Variants in ADAM11 observed in about 807,000 individuals in gnomAD.
ADAM11 encodes disintegrin and metalloproteinase domain-containing protein 11.
In ADAM11, 49 loss-of-function variants were observed where a neutral mutation model predicts 119.1. The ratio of observed to expected loss-of-function variants is 0.41; its 90% CI spans 0.33 to 0.52. ADAM11 has a LOEUF of 0.52. Ranked by LOEUF, ADAM11 falls within the 20% of genes least tolerant of loss-of-function variation. The pLI, the probability that ADAM11 is intolerant of heterozygous loss-of-function variation, is 0.20. For synonymous variants in ADAM11, 364 were observed against 408.0 expected (o/e 0.89, Z 1.30); for missense variants, 777 against 1,047.5 (o/e 0.74, Z 3.56).
At position 44,773,726 on chromosome 17, in the gene ADAM11, G is replaced by GA. The variant is rs1383489045; in HGVS notation, c.992+306dup. 1.1e-4 allele frequency among the ~76,000 whole-genome samples: 17 copies of GA among 152,056 alleles called. No homozygotes were observed. Among genetic ancestry groups the GA allele is most frequent in the Admixed American group, 5.9e-4 (9 of 15,272 alleles). ...CTCAGGGACCCAGTGCCCTAGTAGGGAAAAAAATCTAATAAAAGGGCCTTG... is the reference window on the plus strand; with the variant it reads ...CTCAGGGACCCAGTGCCCTAGTAGGGAAAAAAAATCTAATAAAAGGGCCTTG... On this transcript the variant is annotated intron_variant, in intron 11 of 26. Transcript: ENST00000200557. The surrounding 1 kb of genome is among the most constrained non-coding windows in gnomAD (Gnocchi z 4.6).
chr17:44,768,762 G>A (rs975411933), intron 2 of ADAM11, among the ~76,000 whole-genome samples: 20 of 152,154 alleles, frequency 1.3e-4, no homozygotes, highest in African/African-American at 4.6e-4. Flanking sequence ...GCAACCTGCC[G>A]TCCCCACCAC....
chr17:44,777,076 G>A lies in ADAM11; in HGVS notation c.1682-90G>A. On this transcript the variant is annotated intron_variant, in intron 20 of 26. Transcript: ENST00000200557. The surrounding 1 kb of genome is among the most constrained non-coding windows in gnomAD (Gnocchi z 5.1). ...AAGTGTGTAGCTCCCCAGGATCTCA[G>A]GGACCCAGGCAGAGTGTGGGAGATG... The A allele has an allele frequency of 6.5e-7, 1 of 1,542,270 alleles. No individual in the cohort carries two copies. The highest frequency in any genetic ancestry group is 1.4e-5 in the African/African-American group (1 of 73,366).
At position 44,775,774 on chromosome 17, in the gene ADAM11, CG is replaced by C. The variant is rs1387086828; in HGVS notation, c.1485+102del. ...GAGCTAGGGAGGGAAGCGGAGCCTTCGGGGACGAAGGCCTCTGGGGCAGGGC... is the reference window on the plus strand; with the variant it reads ...GAGCTAGGGAGGGAAGCGGAGCCTTCGGGACGAAGGCCTCTGGGGCAGGGC... On this transcript the variant is annotated intron_variant, in intron 17 of 26. Coordinates refer to ENST00000200557, the MANE Select transcript of ADAM11 (RefSeq NM_002390.6). This position sits in a 1 kb window ranked among gnomAD's most constrained non-coding sequence, Gnocchi z 7.5. The C allele has an allele frequency of 1.5e-6, 2 of 1,303,444 alleles. No homozygotes were observed. Among genetic ancestry groups the C allele is most frequent in the Non-Finnish European group, 2.1e-6 (2 of 958,558 alleles). The allele number at this position is 1,303,444 out of a possible 1,614,324, so 80.7% of individuals were successfully genotyped here.
intron 2 of ADAM11, 24 bp from the exon 3 acceptor site, chr17:44,769,694 C>T (rs978313442): frequency 1.9e-6 from 3 of 1,579,238 alleles, no homozygotes; most frequent in East Asian, 2.2e-5. Flanking sequence ...GGGTTGACTC[C>T]CCCTCTGCCC....
At chr17:44,769,864 G>C (rs773618805) in intron 3 of ADAM11, 70 bp downstream of exon 3, 1 of 1,601,670 alleles carries the variant, frequency 6.2e-7, no homozygotes, top group Non-Finnish European at 8.6e-7. Context: ...GGGCCTGGCT[G>C]CTGGGGGTCT....
intron 2 of ADAM11, among the ~76,000 whole-genome samples, chr17:44,762,670 G>C (rs2049403393): frequency 6.6e-6 from 1 of 152,114 alleles, no homozygotes; most frequent in Non-Finnish European, 1.5e-5. Context: ...CAGGTCGTTT[G>C]ACTTTTCTGA....
Position 44,777,659 on chromosome 17 carries a change from G to A in ADAM11, c.1902-36G>A, listed in dbSNP as rs969344364. 5.8e-5 allele frequency: 94 copies of A among 1,613,364 alleles called. No individual in the cohort carries two copies. Among genetic ancestry groups the A allele is most frequent in the Non-Finnish European group, 7.7e-5 (91 of 1,179,594 alleles). On this transcript the variant is annotated intron_variant, in intron 22 of 26. Coordinates refer to ENST00000200557, the MANE Select transcript of ADAM11 (RefSeq NM_002390.6). This position sits in a 1 kb window ranked among gnomAD's most constrained non-coding sequence, Gnocchi z 5.1. ...GTTGCAGCTGTGCTGGGGGTTAGGAGACAGGGGGCTGAGGCTGGCTGTGTC... is the reference window on the plus strand; with the variant it reads ...GTTGCAGCTGTGCTGGGGGTTAGGAAACAGGGGGCTGAGGCTGGCTGTGTC...
At chr17:44,771,297 CAAAAA>C (rs5820551) in intron 4 of ADAM11, among the ~76,000 whole-genome samples, 1 of 120,450 alleles carries the variant, frequency 8.3e-6, no homozygotes. Flanking sequence ...GACCCTGTCT[CAAAAA>C]AAAAAAAAAA....
intron 2 of ADAM11, among the ~76,000 whole-genome samples, chr17:44,766,895 A>G (rs1241611228): frequency 6.6e-6 from 1 of 152,128 alleles, no homozygotes; most frequent in Admixed American, 6.5e-5. Context: ...CAGGGAGCAC[A>G]GTTTGGCTTT....
At chr17:44,763,775 A>G (rs1448926008) in intron 2 of ADAM11, among the ~76,000 whole-genome samples, 3 of 151,788 alleles carry the variant, frequency 2.0e-5, no homozygotes, top group East Asian at 3.9e-4. Flanking sequence ...GGAGTGCAGC[A>G]GCATGATCTC....
At position 44,775,779 on chromosome 17, in the gene ADAM11, A is replaced by G; in HGVS notation, c.1485+103A>G. 1 of 1,224,438 alleles carries G rather than the reference A, an allele frequency of 8.2e-7. No homozygotes were observed. Among genetic ancestry groups the G allele is most frequent in the Non-Finnish European group, 1.1e-6 (1 of 887,096 alleles). The allele number at this position is 1,224,438 out of a possible 1,614,324, so 75.8% of individuals were successfully genotyped here. A position where few individuals can be genotyped will look rare whatever the true frequency, so the allele number is the denominator to read the frequency against. On this transcript the variant is annotated intron_variant, in intron 17 of 26. Coordinates refer to ENST00000200557, the MANE Select transcript of ADAM11 (RefSeq NM_002390.6). The surrounding 1 kb of genome is among the most constrained non-coding windows in gnomAD (Gnocchi z 7.5). Reference sequence around the variant, plus strand: ...AGGGAGGGAAGCGGAGCCTTCGGGGACGAAGGCCTCTGGGGCAGGGCTTGA... The same window carrying G: ...AGGGAGGGAAGCGGAGCCTTCGGGGGCGAAGGCCTCTGGGGCAGGGCTTGA...
chr17:44,767,410 C>T (rs2049464377), intron 2 of ADAM11, among the ~76,000 whole-genome samples: 2 of 149,908 alleles, frequency 1.3e-5, no homozygotes, highest in Non-Finnish European at 3.0e-5. Flanking sequence ...GGGCTTGGGG[C>T]GGTCTTGGGA....
At chr17:44,764,051 T>G (rs999517609) in intron 2 of ADAM11, among the ~76,000 whole-genome samples, 2 of 152,118 alleles carry the variant, frequency 1.3e-5, no homozygotes, top group African/African-American at 4.8e-5. Context: ...ACCAAGCTGC[T>G]GTATGGGTTA....
chr17:44,771,187 G>A (rs1389425655), intron 4 of ADAM11, among the ~76,000 whole-genome samples: 1 of 151,898 alleles, frequency 6.6e-6, no homozygotes, highest in Non-Finnish European at 1.5e-5. Flanking sequence ...CCAGCTACTC[G>A]GGAGGCTGAG....
rs746460656 is a variant in ADAM11 at position 44,769,903 on chromosome 17, G to A, written c.315-79G>A. 23 of 1,606,698 alleles carry A rather than the reference G, an allele frequency of 1.4e-5. 1 individual carries two copies. The South Asian group carries it at 2.5e-4, about 18-fold the overall frequency. On this transcript the variant is annotated intron_variant, in intron 3 of 26. Coordinates refer to ENST00000200557, the MANE Select transcript of ADAM11 (RefSeq NM_002390.6). Reference sequence around the variant, plus strand: ...GGTTGGGCCTGGGCAGAGGGGACCTGGGTCCTGACCTGAGGCGAGCCTCAA... The same window carrying A: ...GGTTGGGCCTGGGCAGAGGGGACCTAGGTCCTGACCTGAGGCGAGCCTCAA...
intron 26 of ADAM11, chr17:44,779,525 G>C: frequency 1.0e-6 from 1 of 985,378 alleles, no homozygotes; most frequent in Non-Finnish European, 1.2e-6. Flanking sequence ...CTGCGCCCCT[G>C]GCAGTCCCCA....
At chr17:44,766,232 G>A (rs1439949343) in intron 2 of ADAM11, among the ~76,000 whole-genome samples, 4 of 152,188 alleles carry the variant, frequency 2.6e-5, no homozygotes, top group Non-Finnish European at 5.9e-5. Flanking sequence ...CCGGGTCAGC[G>A]TGTGAAGGGC....
intron 1 of ADAM11, 109 bp from the exon 2 acceptor site, chr17:44,759,613 A>G (rs1306195582): frequency 1.5e-6 from 2 of 1,304,932 alleles, no homozygotes; most frequent in African/African-American, 3.0e-5. Flanking sequence ...GGATCGCCCT[A>G]GGGCTCCAGG....
intron 26 of ADAM11, 99 bp from the exon 27 acceptor site, chr17:44,779,640 C>A: frequency 6.6e-7 from 1 of 1,506,042 alleles, no homozygotes; most frequent in Non-Finnish European, 8.8e-7. Context: ...GACTTGCCGC[C>A]TGCCTCCAGG....
Sources: allele counts gnomAD v4.1 joint callset (sites outside exome capture counted in the v4.1 genomes callset), GRCh38; gene constraint gnomAD v4.1.1; non-coding constraint Gnocchi (gnomAD v3.1); transcripts MANE v1.5; gene names NCBI Gene and HGNC (gene_info 2026-07-23, HGNC 2026-07-21).